Variants in FOXP2 observed in about 807,000 individuals in gnomAD.
The protein encoded by FOXP2 is forkhead box P2, also known as forkhead box protein P2.
Under a neutral mutation model 115.8 loss-of-function variants are expected in FOXP2, and 12 were observed. The ratio of observed to expected loss-of-function variants is 0.10; its 90% CI spans 0.07 to 0.17. The LOEUF (loss-of-function observed/expected upper bound fraction) is 0.17. FOXP2 is among the 10% of genes least tolerant of loss of function. The pLI is 1.00. For synonymous variants in FOXP2, 328 were observed against 297.7 expected (o/e 1.10, Z -1.05); for missense variants, 629 against 843.5 (o/e 0.75, Z 3.15).
At chr7:114,237,264 T>C (rs144747381) in intron 1 of FOXP2, among the ~76,000 whole-genome samples, 313 of 152,290 alleles carry the variant, frequency 2.1e-3, no homozygotes, top group African/African-American at 7.0e-3. Context: ...GTGTTGAAGG[T>C]ACAATATGAA....
intron 1 of FOXP2, among the ~76,000 whole-genome samples, chr7:114,089,933 A>G (rs1264533605): frequency 6.6e-6 from 1 of 152,016 alleles, no homozygotes; most frequent in Non-Finnish European, 1.5e-5. Context: ...GTAACAGTAT[A>G]GTGAATGTAG....
rs113263896 is a variant in FOXP2 at position 114,382,618 on chromosome 7, C to A, written c.-10-43884C>A. ...GCCTTTTTTTTTTATCCCGTTTGTC[C>A]CATTTTGCCTGCTCCTCCTGATCTC... On this transcript the variant is annotated intron_variant, in intron 2 of 17. Coordinates refer to the FOXP2 transcript ENST00000634411. Among the ~76,000 whole-genome samples, 688 of 152,032 alleles carry A rather than the reference C, an allele frequency of 4.5e-3. 2 individuals carry two copies. The highest frequency in any genetic ancestry group is 0.015 in the South Asian group (74 of 4,794).
chr7:114,618,043 C>T (rs1231134885), intron 3 of FOXP2, among the ~76,000 whole-genome samples: 1 of 152,186 alleles, frequency 6.6e-6, no homozygotes, highest in Non-Finnish European at 1.5e-5. Flanking sequence ...TGAAACTCAA[C>T]TTAAGCATTA....
At chr7:114,463,196 T>G (rs1367998123) in intron 2 of FOXP2, 2 of 232,866 alleles carry the variant, frequency 8.6e-6, no homozygotes, top group Admixed American at 1.1e-4. Flanking sequence ...GTCCAGCTCT[T>G]GCATGTTTAT....
intron 1 of FOXP2, among the ~76,000 whole-genome samples, chr7:114,257,276 C>T (rs1795638960): frequency 6.6e-6 from 1 of 152,058 alleles, no homozygotes; most frequent in Non-Finnish European, 1.5e-5. Context: ...CTTCCTTATA[C>T]CTTATACAAA....
chr7:114,099,743 A>G (rs1242148740), intron 1 of FOXP2, among the ~76,000 whole-genome samples: 3 of 152,186 alleles, frequency 2.0e-5, no homozygotes, highest in Non-Finnish European at 4.4e-5. Flanking sequence ...TCTCTGATAT[A>G]AAATGGTATA....
At chr7:114,166,605 T>C (rs887758173) in intron 1 of FOXP2, among the ~76,000 whole-genome samples, 5 of 152,168 alleles carry the variant, frequency 3.3e-5, no homozygotes, top group African/African-American at 4.8e-5. Context: ...CTCGGGAGGC[T>C]GAGGCAGGAG....
intron 3 of FOXP2, among the ~76,000 whole-genome samples, chr7:114,562,867 TTAC>T (rs1800821448): frequency 1.3e-5 from 2 of 152,152 alleles, no homozygotes; most frequent in African/African-American, 4.8e-5. Context: ...TTTTCTTTCC[TTAC>T]TACCTGTATT....
intron 3 of FOXP2, among the ~76,000 whole-genome samples, chr7:114,556,954 A>G (rs1197429927): frequency 6.6e-6 from 1 of 152,198 alleles, no homozygotes; most frequent in Non-Finnish European, 1.5e-5. Context: ...GCTATATAAT[A>G]CATCTACTCT....
intron 3 of FOXP2, among the ~76,000 whole-genome samples, chr7:114,569,215 G>T (rs1482884461): frequency 3.3e-5 from 5 of 151,876 alleles, no homozygotes; most frequent in Non-Finnish European, 5.9e-5. Context: ...CGTGTGGCTT[G>T]TTTTGATTTT....
At position 114,628,661 on chromosome 7, in the gene FOXP2, C is replaced by T. The variant is rs908446199; in HGVS notation, c.380C>T (p.Ala127Val). ...CAAGCCCTTCTCCAACAACAGCAGG[C>T]TGTCATGCTGCAGCAGGTAATGTGG... ...QLQALLQQQQ[A>V]VMLQQQQLQE... The change falls in exon 4 of 17, where the codon GCT (alanine) becomes GTT (valine). Residue 127 changes from alanine (A) to valine (V), a missense_variant. Ala to Val is a moderately conservative substitution (Grantham distance 64, BLOSUM62 0). Coordinates refer to ENST00000350908, the MANE Select transcript of FOXP2 (RefSeq NM_014491.4). The T allele has an allele frequency of 3.1e-6, 5 of 1,613,920 alleles. No homozygotes were observed. Among genetic ancestry groups the T allele is most frequent in the East Asian group, 2.2e-5 (1 of 44,880 alleles).
chr7:114,432,047 A>G (rs553390082), intron 2 of FOXP2, among the ~76,000 whole-genome samples: 20 of 151,946 alleles, frequency 1.3e-4, no homozygotes, highest in Non-Finnish European at 2.2e-4. Flanking sequence ...TTGAATTACA[A>G]TCTTTGCCTT....
At chr7:114,557,116 C>A (rs997235494) in intron 3 of FOXP2, among the ~76,000 whole-genome samples, 3 of 152,010 alleles carry the variant, frequency 2.0e-5, no homozygotes, top group Admixed American at 6.5e-5. Flanking sequence ...ACATTAAATT[C>A]TTGGGCTCAA....
chr7:114,574,573 G>A (rs542405215), intron 3 of FOXP2, among the ~76,000 whole-genome samples: 20 of 151,880 alleles, frequency 1.3e-4, no homozygotes, highest in African/African-American at 4.8e-4. Flanking sequence ...TTACAAGATA[G>A]TAACCCAAGT....
At chr7:114,461,278 T>C (rs1186733641) in intron 2 of FOXP2, among the ~76,000 whole-genome samples, 3 of 152,344 alleles carry the variant, frequency 2.0e-5, no homozygotes, top group East Asian at 3.9e-4. Context: ...CATTTATATT[T>C]AGCTTCTGAT....
At chr7:114,360,293 T>G (rs1293036248) in intron 2 of FOXP2, among the ~76,000 whole-genome samples, 1 of 152,148 alleles carries the variant, frequency 6.6e-6, no homozygotes, top group African/African-American at 2.4e-5. Context: ...AACCTCTTTT[T>G]CTTTATAGAT....
In FOXP2 at chr7:114,638,215, T is replaced by C. The variant is rs558579706; in HGVS notation, c.776-4195T>C. On this transcript the variant is annotated intron_variant, in intron 6 of 16. Coordinates refer to ENST00000350908, the MANE Select transcript of FOXP2 (RefSeq NM_014491.4). The stretch of plus-strand genomic sequence containing the variant: ...GGTATTTAAAACTTACGCAAACTAG[T>C]GTAATTATAAAGAGTTTCTTGGGTT... Among the ~76,000 whole-genome samples the C allele has an allele frequency of 2.6e-5, 4 of 152,298 alleles. No homozygotes were observed. In the South Asian group the frequency reaches 8.3e-4, roughly 32 times the overall value.
chr7:114,262,360 C>T (rs567057035), intron 1 of FOXP2, among the ~76,000 whole-genome samples: 2 of 151,996 alleles, frequency 1.3e-5, no homozygotes, highest in African/African-American at 4.8e-5. Flanking sequence ...GAGTTTGAGG[C>T]TTGGAGTGAG....
chr7:114,134,890 G>T (rs996606497), intron 1 of FOXP2, among the ~76,000 whole-genome samples: 1 of 152,068 alleles, frequency 6.6e-6, no homozygotes, highest in South Asian at 2.1e-4. Context: ...AAATAAAATG[G>T]TGTCATTTAA....
Sources: allele counts gnomAD v4.1 joint callset (sites outside exome capture counted in the v4.1 genomes callset), GRCh38; gene constraint gnomAD v4.1.1; transcripts MANE v1.5; gene names NCBI Gene and HGNC (gene_info 2026-07-23, HGNC 2026-07-21).